Variants in PRSS12 observed in about 807,000 individuals in gnomAD.
PRSS12 encodes serine protease 12.
Under a neutral mutation model 104.4 loss-of-function variants are expected in PRSS12, and 85 were observed. The observed-to-expected ratio is 0.81, with a 90% CI of 0.68 to 0.98. The LOEUF (loss-of-function observed/expected upper bound fraction) is 0.98. Ranked by LOEUF, PRSS12 falls within the 50% of genes least tolerant of loss-of-function variation. PRSS12 has a pLI of 0.00. For missense variants in PRSS12, 1,141 were observed against 1,139.2 expected, an observed-to-expected ratio of 1.00 and a Z score of -0.02; for synonymous variants, 454 against 425.2, an observed-to-expected ratio of 1.07 and a Z score of -0.83.
intron 4 of PRSS12, among the ~76,000 whole-genome samples, chr4:118,323,630 C>T (rs1723690463): frequency 6.6e-6 from 1 of 151,266 alleles, no homozygotes; most frequent in Non-Finnish European, 1.5e-5. Flanking sequence ...CCTAGGAAAC[C>T]CAGAAGTCAG....
At chr4:118,318,617 T>C in intron 4 of PRSS12, 61 bp from the exon 5 acceptor site, 1 of 1,532,628 alleles carries the variant, frequency 6.5e-7, no homozygotes, top group Non-Finnish European at 8.9e-7. Context: ...TCTTTTATTT[T>C]TTTTTTGTCC....
chr4:118,283,070 T>C lies in PRSS12; in HGVS notation c.2081A>G (p.Asp694Gly). ...STRSYAVRVG[D>G]YHTLVPEEFE... ...CTCCTCTGGTACCAGAGTATGATAATCTCCAACCCTAACAGCATAGCTCCT... is the reference window on the plus strand; with the variant it reads ...CTCCTCTGGTACCAGAGTATGATAACCTCCAACCCTAACAGCATAGCTCCT... The change falls in exon 12 of 13, where the codon GAT becomes GGT. Residue 694 changes from aspartate (D) to glycine (G), a missense_variant. Transcript: ENST00000296498. 6.2e-7 allele frequency: 1 copy of C among 1,614,104 alleles called. No individual in the cohort carries two copies.
At chr4:118,312,844 T>G (rs529152732) in intron 7 of PRSS12, 1 of 301,238 alleles carries the variant, frequency 3.3e-6, no homozygotes, top group Non-Finnish European at 6.4e-6. Context: ...CTATCCCAAA[T>G]AGCTCACTAG....
chr4:118,289,934 T>C (rs563052763), intron 11 of PRSS12, among the ~76,000 whole-genome samples: 1 of 152,338 alleles, frequency 6.6e-6, no homozygotes, highest in African/African-American at 2.4e-5. Context: ...GTGCAAATAA[T>C]GAGAAGAAAT....
chr4:118,340,866 T>G (rs1327131978), intron 1 of PRSS12, among the ~76,000 whole-genome samples: 1 of 152,258 alleles, frequency 6.6e-6, no homozygotes, highest in Non-Finnish European at 1.5e-5. Flanking sequence ...GGGTAGGATC[T>G]AATCTCAATA....
At chr4:118,335,450 C>G (rs1425608362) in intron 3 of PRSS12, 23 bp downstream of exon 3, 2 of 1,611,394 alleles carry the variant, frequency 1.2e-6, no homozygotes, top group Non-Finnish European at 1.7e-6. Flanking sequence ...AGTAAAACAA[C>G]AGAACTTTTT....
chr4:118,327,909 C>T (rs1401324514), intron 4 of PRSS12, among the ~76,000 whole-genome samples: 2 of 152,124 alleles, frequency 1.3e-5, no homozygotes, highest in Non-Finnish European at 2.9e-5. Flanking sequence ...TATACAGACA[C>T]CATTAAAAGA....
Position 118,298,611 on chromosome 4 carries a change from A to G in PRSS12, c.1837+122T>C. ...AGAACTACCGGATCTAAGTAATAGC[A>G]CAAGACATGGATCTGTATACGTTCT... On this transcript the variant is annotated intron_variant, in intron 9 of 12. Coordinates refer to ENST00000296498, the MANE Select transcript of PRSS12 (RefSeq NM_003619.4). 2.8e-6 allele frequency: 3 copies of G among 1,063,082 alleles called. No homozygotes were observed. In the Admixed American group the frequency reaches 5.8e-5, roughly 21 times the overall value. 65.9% of individuals were successfully genotyped at this position (1,063,082 alleles called of 1,614,324 possible).
chr4:118,338,392 T>C lies in PRSS12; in HGVS notation c.503-78A>G, dbSNP rs866628509. ...ATATTGAGCCAGTCCTGGGTTAACA[T>C]GATTTTTAAACTTAAGTAGTAAGGG... On this transcript the variant is annotated intron_variant, in intron 1 of 12. Coordinates refer to ENST00000296498, the MANE Select transcript of PRSS12 (RefSeq NM_003619.4). 7.1e-5 allele frequency: 111 copies of C among 1,565,236 alleles called. No homozygotes were observed. The Middle Eastern group carries it at 1.3e-3, about 19-fold the overall frequency.
At chr4:118,326,781 T>C (rs1723782798) in intron 4 of PRSS12, among the ~76,000 whole-genome samples, 1 of 152,170 alleles carries the variant, frequency 6.6e-6, no homozygotes, top group Non-Finnish European at 1.5e-5. Context: ...GGGAATATTG[T>C]GTAATCTCAG....
In PRSS12 at chr4:118,335,756, T is replaced by C. The variant is rs1724049395; in HGVS notation, c.642-105A>G. On this transcript the variant is annotated intron_variant, in intron 2 of 12. Coordinates refer to ENST00000296498, the MANE Select transcript of PRSS12 (RefSeq NM_003619.4). ...TGGAAGAAATCAACAAAGATGAATATGGAAGAAACAAAGAAAGAAAGAAGA... is the reference window on the plus strand; with the variant it reads ...TGGAAGAAATCAACAAAGATGAATACGGAAGAAACAAAGAAAGAAAGAAGA... 9 of 1,037,830 alleles carry C rather than the reference T, an allele frequency of 8.7e-6. No individual in the cohort carries two copies. The South Asian group carries it at 1.1e-4, about 12-fold the overall frequency. The allele number at this position is 1,037,830 out of a possible 1,614,324, so 64.3% of individuals were successfully genotyped here.
chr4:118,316,835 A>ATATATATATAT (rs1553956369), intron 5 of PRSS12, among the ~76,000 whole-genome samples: 3 of 34,538 alleles, frequency 8.7e-5, no homozygotes, highest in South Asian at 2.0e-3. Context: ...GAAAAAAAAA[A>ATATATATATAT]AAATATATAT....
intron 4 of PRSS12, among the ~76,000 whole-genome samples, chr4:118,322,350 G>C (rs1468018785): frequency 6.6e-6 from 1 of 152,116 alleles, no homozygotes; most frequent in Non-Finnish European, 1.5e-5. Context: ...AGGAATTTGA[G>C]ACCAGGCTGA....
At chr4:118,326,184 A>G (rs924177969) in intron 4 of PRSS12, among the ~76,000 whole-genome samples, 3 of 152,196 alleles carry the variant, frequency 2.0e-5, no homozygotes, top group Admixed American at 2.0e-4. Flanking sequence ...TGGCTCTTTA[A>G]CTGCAATTAT....
At chr4:118,292,188 A>G (rs138219014) in intron 11 of PRSS12, among the ~76,000 whole-genome samples, 3,112 of 152,262 alleles carry the variant, frequency 0.02, 40 homozygotes, top group South Asian at 0.034. Flanking sequence ...ACCCAAAAAT[A>G]TAATCAATTT....
rs1171507407 is a variant in PRSS12, at chr4:118,282,261, C to T, written c.2321-18G>A. On this transcript the variant is annotated intron_variant, in intron 12 of 12. Coordinates refer to ENST00000296498, the MANE Select transcript of PRSS12 (RefSeq NM_003619.4). ...GGCTCGTCCTACTCAGACCAAACAT[C>T]TGATTAGTGGCATTCCAGATAACCA... 6.2e-7 allele frequency: 1 copy of T among 1,613,910 alleles called. No homozygotes were observed. The highest frequency in any genetic ancestry group is 1.3e-5 in the African/African-American group (1 of 74,944).
intron 11 of PRSS12, among the ~76,000 whole-genome samples, chr4:118,283,555 GACTTAAACT>G (rs1354893594): frequency 6.6e-6 from 1 of 152,110 alleles, no homozygotes; most frequent in Admixed American, 6.5e-5. Flanking sequence ...TTGCAAGGTG[GACTTAAACT>G]ACTTCCCTTT....
chr4:118,309,239 A>G (rs1446051799), intron 7 of PRSS12, among the ~76,000 whole-genome samples: 1 of 152,224 alleles, frequency 6.6e-6, no homozygotes, highest in African/African-American at 2.4e-5. Context: ...TATCTAAGTT[A>G]ATACAAATGA....
Position 118,352,538 on chromosome 4 carries a change from AGGC to A in PRSS12, c.180_182del (p.Pro61del). 3.3e-6 allele frequency: 5 copies of A among 1,497,064 alleles called. No homozygotes were observed. Among genetic ancestry groups the A allele is most frequent in the Non-Finnish European group, 4.5e-6 (5 of 1,119,148 alleles). The allele number at this position is 1,497,064 out of a possible 1,614,324, so 92.7% of individuals were successfully genotyped here. On this transcript the variant is annotated inframe_deletion, in exon 1 of 13. Coordinates refer to ENST00000296498, the MANE Select transcript of PRSS12 (RefSeq NM_003619.4). The stretch of plus-strand genomic sequence containing the variant: ...GCGGGGGGCGCGGGAAGCGCGGGAG[AGGC>A]GGCGGCGGACGCGTCCTCGGGGGCC...
Sources: gnomAD v4.1 joint callset for allele counts (sites outside exome capture counted in the v4.1 genomes callset) on GRCh38, gnomAD v4.1.1 for gene constraint, MANE v1.5 for transcripts, NCBI Gene and HGNC (gene_info 2026-07-23, HGNC 2026-07-21) for gene names.